SPECC1L: variants seen among roughly 807,000 people sequenced by gnomAD.
The protein encoded by SPECC1L is cytospin-A.
In SPECC1L, 40 loss-of-function variants were observed where a neutral mutation model predicts 116.8. That is an observed-to-expected ratio of 0.34 (90% CI 0.27 to 0.45). The LOEUF (loss-of-function observed/expected upper bound fraction) is 0.45, where lower values mean the gene tolerates loss of function less well. SPECC1L is among the 20% of genes least tolerant of loss of function. SPECC1L has a pLI of 1.00. For missense variants in SPECC1L, 1,110 were observed against 1,373.6 expected (o/e 0.81, Z 3.03); for synonymous variants, 504 against 500.6 (o/e 1.01, Z -0.09).
chr22:24,329,603 G>C (rs1356365484), intron 7 of SPECC1L, among the ~76,000 whole-genome samples: 2 of 152,134 alleles, frequency 1.3e-5, no homozygotes, highest in Non-Finnish European at 2.9e-5. Flanking sequence ...AGGGGGCGTG[G>C]GGCTCAGGCA....
At chr22:24,372,651 A>C (rs191416583) in intron 14 of SPECC1L, among the ~76,000 whole-genome samples, 1 of 152,064 alleles carries the variant, frequency 6.6e-6, no homozygotes, top group African/African-American at 2.4e-5. Flanking sequence ...ATCTATGGCA[A>C]ACCCACAGCC....
chr22:24,354,013 A>G (rs1569432175), intron 11 of SPECC1L, among the ~76,000 whole-genome samples: 1 of 152,248 alleles, frequency 6.6e-6, no homozygotes, highest in African/African-American at 2.4e-5. Flanking sequence ...GTGAGGCCTC[A>G]GGAAGCTTAC....
At chr22:24,279,203 T>C (rs2048894488) in intron 2 of SPECC1L, among the ~76,000 whole-genome samples, 1 of 152,228 alleles carries the variant, frequency 6.6e-6, no homozygotes, top group Non-Finnish European at 1.5e-5. Context: ...GTTGACGCTA[T>C]AATTTAAAAT....
intron 14 of SPECC1L, among the ~76,000 whole-genome samples, chr22:24,410,422 C>G (rs1299777427): frequency 1.3e-5 from 2 of 152,176 alleles, no homozygotes; most frequent in Non-Finnish European, 2.9e-5. Flanking sequence ...ACAGAACAGC[C>G]CTGCCCCACT....
chr22:24,346,161 C>G (rs926995155), intron 10 of SPECC1L, among the ~76,000 whole-genome samples: 4 of 152,084 alleles, frequency 2.6e-5, no homozygotes, highest in African/African-American at 7.2e-5. Flanking sequence ...CGCCTGCCAC[C>G]ACGCCCAGCT....
chr22:24,385,540 G>C (rs2042145447), intron 14 of SPECC1L, among the ~76,000 whole-genome samples: 1 of 152,134 alleles, frequency 6.6e-6, no homozygotes, highest in Non-Finnish European at 1.5e-5. Context: ...AAGGACTGCT[G>C]GAAGAGCTAT....
rs115425875 is a variant in SPECC1L, at chr22:24,301,572, C to T, written c.-37-623C>T. Among the ~76,000 whole-genome samples the T allele has an allele frequency of 4.0e-3, 614 of 152,134 alleles. 6 individuals are homozygous for T. The highest frequency in any genetic ancestry group is 0.014 in the African/African-American group (573 of 41,482). On this transcript the variant is annotated intron_variant, in intron 2 of 16. Coordinates refer to ENST00000314328, the MANE Select transcript of SPECC1L (RefSeq NM_015330.6). ...TATTTTGTAATAAAGTGTTGAATAT[C>T]TTATGTAATTTATTGAGTACAGTAC...
chr22:24,288,615 C>CTT (rs756714389), intron 2 of SPECC1L, among the ~76,000 whole-genome samples: 1,046 of 61,676 alleles, frequency 0.017, 259 homozygotes, highest in Middle Eastern at 0.038. Flanking sequence ...AAATTTTAAG[C>CTT]TTTTTTTTTT....
intron 14 of SPECC1L, among the ~76,000 whole-genome samples, chr22:24,373,595 C>A (rs865947652): frequency 6.6e-6 from 1 of 152,168 alleles, no homozygotes; most frequent in Middle Eastern, 3.2e-3. Flanking sequence ...AAACTGCATC[C>A]CTTCCTTACA....
At chr22:24,402,129 TTCCCCTTCCTTCCCCTTCCC>T (rs2042490155) in intron 14 of SPECC1L, among the ~76,000 whole-genome samples, 3 of 116,018 alleles carry the variant, frequency 2.6e-5, no homozygotes, top group African/African-American at 9.8e-5. Flanking sequence ...TTCCCCTTCC[TTCCCCTTCCTTCCCCTTCCC>T]TCCCCTTCCC....
At chr22:24,349,109 C>G (rs2041366355) in intron 11 of SPECC1L, among the ~76,000 whole-genome samples, 1 of 151,994 alleles carries the variant, frequency 6.6e-6, no homozygotes, top group Non-Finnish European at 1.5e-5. Flanking sequence ...GGCACGATAT[C>G]AACTTACTGC....
chr22:24,317,207 G>T (rs1243332907), intron 4 of SPECC1L, among the ~76,000 whole-genome samples: 11 of 105,906 alleles, frequency 1.0e-4, no homozygotes, highest in Non-Finnish European at 1.5e-4. Context: ...CAGTAGGGGC[G>T]GCCGGGCAGA....
At chr22:24,291,793 G>C (rs2049161868) in intron 2 of SPECC1L, among the ~76,000 whole-genome samples, 1 of 152,150 alleles carries the variant, frequency 6.6e-6, no homozygotes, top group South Asian at 2.1e-4. Flanking sequence ...AGATTTCAGA[G>C]AGGTTAACTT....
intron 2 of SPECC1L, among the ~76,000 whole-genome samples, chr22:24,292,237 A>T (rs189774378): frequency 6.8e-4 from 104 of 152,300 alleles, no homozygotes; most frequent in Admixed American, 1.5e-3. Context: ...TGACAATAAG[A>T]TAAATTTACA....
At chr22:24,326,873 A>C (rs1372820011) in intron 6 of SPECC1L, among the ~76,000 whole-genome samples, 1 of 152,186 alleles carries the variant, frequency 6.6e-6, no homozygotes, top group African/African-American at 2.4e-5. Flanking sequence ...TTTCTGATCC[A>C]GCTTTAGAAA....
chr22:24,362,542 G>C (rs899334489), intron 11 of SPECC1L, among the ~76,000 whole-genome samples: 8 of 152,164 alleles, frequency 5.3e-5, no homozygotes, highest in Admixed American at 5.2e-4. Context: ...CCACATGCCA[G>C]GTAATGAAGG....
At chr22:24,380,025 C>T (rs1033590115) in intron 14 of SPECC1L, among the ~76,000 whole-genome samples, 1 of 152,130 alleles carries the variant, frequency 6.6e-6, no homozygotes, top group African/African-American at 2.4e-5. Context: ...CACCTGCCAC[C>T]CCGCCCAGCT....
intron 10 of SPECC1L, among the ~76,000 whole-genome samples, chr22:24,342,962 G>A (rs2041209837): frequency 6.6e-6 from 1 of 152,132 alleles, no homozygotes; most frequent in African/African-American, 2.4e-5. Context: ...GGAGGCTGAT[G>A]TGGGCAGATC....
intron 2 of SPECC1L, among the ~76,000 whole-genome samples, chr22:24,288,365 G>A (rs1175046836): frequency 1.3e-5 from 2 of 151,904 alleles, no homozygotes; most frequent in African/African-American, 2.4e-5. Flanking sequence ...TTGTGACAAC[G>A]AAAAATGTGT....
Sources: gnomAD v4.1 joint callset for allele counts (sites outside exome capture counted in the v4.1 genomes callset) on GRCh38, gnomAD v4.1.1 for gene constraint, MANE v1.5 for transcripts, NCBI Gene and HGNC (gene_info 2026-07-23, HGNC 2026-07-21) for gene names.